Variants in NPAS3 observed in about 807,000 individuals in gnomAD.
The protein encoded by NPAS3 is neuronal PAS domain-containing protein 3.
A neutral mutation model predicts 73.1 loss-of-function variants in NPAS3; 14 were observed. The observed-to-expected ratio is 0.19, with a 90% CI of 0.13 to 0.30. NPAS3 has a LOEUF of 0.30. NPAS3 is among the 10% of genes least tolerant of loss of function. The probability of loss-of-function intolerance (pLI) is 1.00; values close to 1 mark genes in which losing one functional copy is unlikely to be tolerated. For synonymous variants in NPAS3, 620 were observed against 541.5 expected, an observed-to-expected ratio of 1.14 and a Z score of -2.01; for missense variants, 1,096 against 1,250.0, an observed-to-expected ratio of 0.88 and a Z score of 1.86.
intron 4 of NPAS3, among the ~76,000 whole-genome samples, chr14:33,406,322 G>T (rs1163574361): frequency 6.6e-6 from 1 of 152,202 alleles, no homozygotes; most frequent in Non-Finnish European, 1.5e-5. Flanking sequence ...GTGTAAAAGA[G>T]ATGGGGAGAA....
At chr14:33,087,224 T>TAATATAGTATAC (rs2042066141) in intron 2 of NPAS3, among the ~76,000 whole-genome samples, 5 of 121,926 alleles carry the variant, frequency 4.1e-5, no homozygotes, top group African/African-American at 9.5e-5. Flanking sequence ...TATTATTGTA[T>TAATATAGTATAC]AATATATATT....
intron 1 of NPAS3, among the ~76,000 whole-genome samples, chr14:33,018,657 G>T (rs1344485829): frequency 2.6e-5 from 4 of 152,080 alleles, no homozygotes; most frequent in Non-Finnish European, 5.9e-5. Context: ...GAAAGTATAA[G>T]AAATATATTT....
At chr14:33,414,160 G>A (rs1394711183) in intron 4 of NPAS3, among the ~76,000 whole-genome samples, 1 of 152,036 alleles carries the variant, frequency 6.6e-6, no homozygotes, top group Non-Finnish European at 1.5e-5. Flanking sequence ...TTAAATGATT[G>A]CAGCTAGATA....
At chr14:33,101,344 A>G (rs982185562) in intron 2 of NPAS3, among the ~76,000 whole-genome samples, 1 of 152,168 alleles carries the variant, frequency 6.6e-6, no homozygotes, top group Non-Finnish European at 1.5e-5. Flanking sequence ...TAAAAAATAT[A>G]TAATTTAGGG....
intron 2 of NPAS3, among the ~76,000 whole-genome samples, chr14:33,211,060 T>C (rs765748885): frequency 2.0e-5 from 3 of 152,198 alleles, no homozygotes; most frequent in African/African-American, 4.8e-5. Flanking sequence ...ACATGTCTTA[T>C]ACAGCATTAC....
intron 2 of NPAS3, among the ~76,000 whole-genome samples, chr14:33,107,447 C>T (rs1002662808): frequency 2.0e-5 from 3 of 151,914 alleles, no homozygotes; most frequent in Non-Finnish European, 4.4e-5. Flanking sequence ...CTGTTGTTCC[C>T]ATCTTTATGT....
At chr14:33,643,722 A>T (rs145190051) in intron 5 of NPAS3, among the ~76,000 whole-genome samples, 2 of 152,340 alleles carry the variant, frequency 1.3e-5, no homozygotes, top group East Asian at 1.9e-4. Flanking sequence ...GAGCTCGATA[A>T]AAATCAGGCA....
exon 6 of NPAS3, chr14:33,676,283 G>C (rs1283969399): frequency 6.2e-7 from 1 of 1,613,380 alleles, no homozygotes; most frequent in African/African-American, 1.3e-5. Context: ...TGAGCAGCTG[G>C]GCATGAAGCT....
chr14:33,059,313 A>C (rs1182773379), intron 2 of NPAS3, among the ~76,000 whole-genome samples: 4 of 152,198 alleles, frequency 2.6e-5, no homozygotes, highest in Admixed American at 2.6e-4. Context: ...CAATAATGAA[A>C]GTTTAAAACA....
intron 1 of NPAS3, among the ~76,000 whole-genome samples, chr14:33,012,424 G>A (rs1300272927): frequency 1.3e-5 from 2 of 152,108 alleles, no homozygotes; most frequent in African/African-American, 2.4e-5. Context: ...GCTAAATAGC[G>A]GGAACCATGT....
intron 3 of NPAS3, among the ~76,000 whole-genome samples, chr14:33,254,115 A>G (rs1208035500): frequency 6.6e-6 from 1 of 152,054 alleles, no homozygotes; most frequent in Non-Finnish European, 1.5e-5. Flanking sequence ...GATGTTGAAG[A>G]CTGACTGGGG....
intron 3 of NPAS3, among the ~76,000 whole-genome samples, chr14:33,224,289 G>A (rs1211076061): frequency 6.6e-6 from 1 of 152,078 alleles, no homozygotes; most frequent in Non-Finnish European, 1.5e-5. Context: ...CATAAGCATA[G>A]CAAAGAAGGA....
chr14:33,195,589 T>C (rs1193259900), intron 2 of NPAS3, among the ~76,000 whole-genome samples: 1 of 152,222 alleles, frequency 6.6e-6, no homozygotes, highest in Non-Finnish European at 1.5e-5. Flanking sequence ...TTTAATTTAA[T>C]GTTTAAAACA....
intron 5 of NPAS3, among the ~76,000 whole-genome samples, chr14:33,622,878 C>T (rs1211269454): frequency 6.6e-6 from 1 of 151,998 alleles, no homozygotes; most frequent in African/African-American, 2.4e-5. Context: ...TTCTACTTGC[C>T]CGGCACCCAA....
At chr14:33,456,349 C>A (rs1271145904) in intron 4 of NPAS3, among the ~76,000 whole-genome samples, 1 of 152,140 alleles carries the variant, frequency 6.6e-6, no homozygotes, top group Non-Finnish European at 1.5e-5. Context: ...TTAAATCCCT[C>A]ATGAGGGCTG....
Position 33,660,452 on chromosome 14 carries a change from G to C in NPAS3, c.559-15759G>C, listed in dbSNP as rs1595380798. ...GCCCGTAAATCCCTGAGTCATCCTT[G>C]TTTTGATTTTGTTTTGTGTTTTTCT... On this transcript the variant is annotated intron_variant, in intron 5 of 11. Transcript: ENST00000356141. Among the ~76,000 whole-genome samples, 3 of 152,240 alleles carry C rather than the reference G, an allele frequency of 2.0e-5. No homozygotes were observed. In the South Asian group the frequency reaches 6.2e-4, roughly 32 times the overall value.
At chr14:33,484,324 A>G (rs1222795506) in intron 4 of NPAS3, among the ~76,000 whole-genome samples, 1 of 152,158 alleles carries the variant, frequency 6.6e-6, no homozygotes, top group Admixed American at 6.5e-5. Context: ...CGGAGACTGC[A>G]TTATTATCTG....
chr14:33,560,973 A>C (rs560132627), intron 5 of NPAS3, among the ~76,000 whole-genome samples: 2 of 152,352 alleles, frequency 1.3e-5, no homozygotes, highest in South Asian at 4.1e-4. Flanking sequence ...TGTTTTCTCC[A>C]TAAAAATGCT....
chr14:33,378,679 G>C (rs72680137), intron 4 of NPAS3, among the ~76,000 whole-genome samples: 3,425 of 152,202 alleles, frequency 0.023, 172 homozygotes, highest in Admixed American at 0.098. Flanking sequence ...TGTTTATGTG[G>C]AAGTCCCCTG....
Sources: gnomAD v4.1 joint callset for allele counts (sites outside exome capture counted in the v4.1 genomes callset) on GRCh38, gnomAD v4.1.1 for gene constraint, MANE v1.5 for transcripts, NCBI Gene and HGNC (gene_info 2026-07-23, HGNC 2026-07-21) for gene names.